NEK6: variants seen among roughly 807,000 people sequenced by gnomAD.
The protein encoded by NEK6 is NIMA related kinase 6.
NEK6 carries 27 observed loss-of-function variants against 43.5 expected under a neutral mutation model. The observed-to-expected ratio is 0.62, with a 90% CI of 0.46 to 0.86. The LOEUF is 0.86. Among genes scored for constraint, NEK6 ranks in the 40% least tolerant of loss-of-function variants. The pLI is 0.00. For synonymous variants in NEK6, 167 were observed against 164.1 expected (o/e 1.02, Z -0.14); for missense variants, 318 against 414.4 (o/e 0.77, Z 2.02).
chr9:124,271,952 A>G (rs1564615092), intron 1 of NEK6, among the ~76,000 whole-genome samples: 1 of 152,246 alleles, frequency 6.6e-6, no homozygotes, highest in Non-Finnish European at 1.5e-5. Flanking sequence ...GCCGTGAGCC[A>G]CACCCACCTT....
Position 124,347,768 on chromosome 9 carries a change from G to A in NEK6, c.777G>A (p.Gln259=). Residue 259 remains glutamine (Q), a synonymous_variant, in exon 9 of 10, where the codon CAG becomes CAA. Coordinates refer to ENST00000320246, the MANE Select transcript of NEK6 (RefSeq NM_014397.6). ...GDKMNLFSLC[Q]KIEQCDYPPL... Reference sequence around the variant, plus strand: ...AGATGAATCTCTTCTCCCTGTGCCAGAAGATCGAGCAGTGTGACTACCCCC... The same window carrying A: ...AGATGAATCTCTTCTCCCTGTGCCAAAAGATCGAGCAGTGTGACTACCCCC... 6.2e-7 allele frequency: 1 copy of A among 1,613,416 alleles called. No individual in the cohort carries two copies. Among genetic ancestry groups the A allele is most frequent in the Non-Finnish European group, 8.5e-7 (1 of 1,179,640 alleles).
At chr9:124,308,912 G>A (rs1044050770) in intron 2 of NEK6, among the ~76,000 whole-genome samples, 1 of 152,258 alleles carries the variant, frequency 6.6e-6, no homozygotes, top group Non-Finnish European at 1.5e-5. Context: ...AGGGGCAAAA[G>A]TGGAACTTGC....
chr9:124,261,717 T>C, intron 1 of NEK6: 4 of 410,648 alleles, frequency 9.7e-6, no homozygotes, highest in Non-Finnish European at 1.3e-5. Flanking sequence ...GTTTGGGCCA[T>C]GTTGTGCCCC....
At chr9:124,345,106 C>G (rs961951781) in intron 8 of NEK6, among the ~76,000 whole-genome samples, 8 of 152,226 alleles carry the variant, frequency 5.3e-5, no homozygotes, top group Admixed American at 2.6e-4. Context: ...CCCCCTTTTC[C>G]TCGGCTATAT....
intron 7 of NEK6, among the ~76,000 whole-genome samples, chr9:124,334,456 G>A (rs936590877): frequency 3.5e-4 from 54 of 152,250 alleles, no homozygotes; most frequent in African/African-American, 1.3e-3. Context: ...GCAGTGAGGT[G>A]GCAGAGGAAT....
At chr9:124,312,753 A>AG in intron 3 of NEK6, 104 bp downstream of exon 3, 2 of 1,199,708 alleles carry the variant, frequency 1.7e-6, no homozygotes, top group Non-Finnish European at 2.3e-6. Context: ...TCTGTGAACG[A>AG]GGGAAACAGC....
At chr9:124,315,842 C>G (rs1379689615) in intron 4 of NEK6, among the ~76,000 whole-genome samples, 1 of 152,246 alleles carries the variant, frequency 6.6e-6, no homozygotes, top group East Asian at 1.9e-4. Flanking sequence ...AGGACACACC[C>G]CTCGCTCACT....
intron 8 of NEK6, among the ~76,000 whole-genome samples, chr9:124,346,407 C>T (rs1829925859): frequency 6.6e-6 from 1 of 152,208 alleles, no homozygotes; most frequent in Non-Finnish European, 1.5e-5. Flanking sequence ...CCCCGCTCAG[C>T]CTCTGGGGCG....
chr9:124,327,456 C>G lies in NEK6; in HGVS notation c.622+11C>G. 1 of 1,600,838 alleles carries G rather than the reference C, an allele frequency of 6.2e-7. No individual in the cohort carries two copies. The highest frequency in any genetic ancestry group is 1.1e-5 in the South Asian group (1 of 90,834). ...CAGCCCACTCCCTAGGTAAGGGGGA[C>G]CTGTCTGTGCCCCAGCAGCCCCCAG... is the stretch of plus-strand genomic sequence containing the variant. On this transcript the variant is annotated intron_variant, in intron 7 of 9. Coordinates refer to ENST00000320246, the MANE Select transcript of NEK6 (RefSeq NM_014397.6).
At chr9:124,334,483 G>A (rs1050738350) in intron 7 of NEK6, among the ~76,000 whole-genome samples, 1 of 152,192 alleles carries the variant, frequency 6.6e-6, no homozygotes, top group Non-Finnish European at 1.5e-5. Context: ...AAGAGAGGAG[G>A]GGACGGAGGG....
At chr9:124,341,196 C>T (rs7041573) in intron 8 of NEK6, among the ~76,000 whole-genome samples, 141,500 of 152,262 alleles carry the variant, frequency 0.93, 66,550 homozygotes, top group East Asian at 1. Flanking sequence ...ACGCCCGCCA[C>T]CCCACCCGGC....
intron 8 of NEK6, among the ~76,000 whole-genome samples, chr9:124,346,818 C>T (rs1412667165): frequency 6.6e-6 from 1 of 152,228 alleles, no homozygotes; most frequent in East Asian, 1.9e-4. Flanking sequence ...CACCGCCCCA[C>T]AGGCCTTTCG....
chr9:124,294,194 C>T (rs1198550252), intron 1 of NEK6, among the ~76,000 whole-genome samples: 3 of 152,180 alleles, frequency 2.0e-5, no homozygotes, highest in African/African-American at 4.8e-5. Context: ...GGCGAAACCC[C>T]GTCTCTACTA....
Position 124,311,682 on chromosome 9 carries a change from G to A in NEK6, c.91-827G>A, listed in dbSNP as rs1261751451. On this transcript the variant is annotated intron_variant, in intron 2 of 9. Transcript: ENST00000320246. ...GCAGTTTATCTAAAGGATGGGCTCAGGGTGTAAGGCTGCACATTTTTTTGA... is the reference window on the plus strand; with the variant it reads ...GCAGTTTATCTAAAGGATGGGCTCAAGGTGTAAGGCTGCACATTTTTTTGA... 5.9e-5 allele frequency among the ~76,000 whole-genome samples: 9 copies of A among 152,190 alleles called. No individual in the cohort carries two copies. In the East Asian group the frequency reaches 1.7e-3, roughly 29 times the overall value.
At chr9:124,311,106 G>A (rs1391360775) in intron 2 of NEK6, among the ~76,000 whole-genome samples, 1 of 152,288 alleles carries the variant, frequency 6.6e-6, no homozygotes, top group East Asian at 1.9e-4. Context: ...GACGCAGCTG[G>A]TCCGGCCAGC....
chr9:124,340,133 T>TCATCCCC (rs541928195), intron 8 of NEK6, among the ~76,000 whole-genome samples: 2 of 151,158 alleles, frequency 1.3e-5, no homozygotes, highest in African/African-American at 4.9e-5. Flanking sequence ...TGGGTCTCCC[T>TCATCCCC]AAAGACCACC....
intron 1 of NEK6, among the ~76,000 whole-genome samples, chr9:124,294,195 G>A (rs1454376230): frequency 2.6e-5 from 4 of 152,134 alleles, no homozygotes; most frequent in South Asian, 2.1e-4. Flanking sequence ...GCGAAACCCC[G>A]TCTCTACTAA....
At chr9:124,329,814 T>G (rs1828873901) in intron 7 of NEK6, among the ~76,000 whole-genome samples, 1 of 152,224 alleles carries the variant, frequency 6.6e-6, no homozygotes. Context: ...AACAGCTAAG[T>G]CTTGCACACA....
chr9:124,262,509 T>G lies in NEK6; in HGVS notation c.-30+4424T>G, dbSNP rs559656903. On this transcript the variant is annotated intron_variant, in intron 1 of 9. Coordinates refer to ENST00000320246, the MANE Select transcript of NEK6 (RefSeq NM_014397.6). The stretch of plus-strand genomic sequence containing the variant: ...TGCGCCATTGTCTCCAATTCTGGAT[T>G]TTTCCACAGATGACTTCTCGGGTGA... 1.7e-4 allele frequency among the ~76,000 whole-genome samples: 26 copies of G among 152,366 alleles called. No individual in the cohort carries two copies. The South Asian group carries it at 5.2e-3, about 30-fold the overall frequency.
Sources: allele counts gnomAD v4.1 joint callset (sites outside exome capture counted in the v4.1 genomes callset), GRCh38; gene constraint gnomAD v4.1.1; transcripts MANE v1.5; gene names NCBI Gene and HGNC (gene_info 2026-07-23, HGNC 2026-07-21).